GPR146: variants seen among roughly 807,000 people sequenced by gnomAD.
GPR146 encodes G-protein coupled receptor 146.
For missense variants in GPR146, 381 were observed against 213.9 expected, an observed-to-expected ratio of 1.78 and a Z score of -4.87; for synonymous variants, 203 against 104.3, an observed-to-expected ratio of 1.95 and a Z score of -5.77.
intron 1 of GPR146, among the ~76,000 whole-genome samples, chr7:1,054,112 G>A (rs565583360): frequency 1.8e-4 from 27 of 152,326 alleles, no homozygotes; most frequent in African/African-American, 3.4e-4. Context: ...CTTTAGGAAC[G>A]TCCCCCAGAG....
Position 1,055,309 on chromosome 7 carries a change from A to AC in GPR146, c.-24-2182dup, listed in dbSNP as rs1410494727. The AC allele has an allele frequency of 8.5e-6, 4 of 471,174 alleles. No individual in the cohort carries two copies. The East Asian group carries it at 2.8e-4, about 33-fold the overall frequency. 29.2% of individuals were successfully genotyped at this position (471,174 alleles called of 1,614,324 possible). The stretch of plus-strand genomic sequence containing the variant: ...CAAGTGCTTGCATCCTGGGGCCCTC[A>AC]CACGCACGCGCAGGCGGCCAGGCGC... On this transcript the variant is annotated intron_variant, in intron 1 of 1. Transcript: ENST00000444847.
At chr7:1,046,787 C>T (rs1782622515) in intron 1 of GPR146, among the ~76,000 whole-genome samples, 1 of 152,202 alleles carries the variant, frequency 6.6e-6, no homozygotes, top group South Asian at 2.1e-4. Flanking sequence ...AAGGACTTTC[C>T]CCATTTTAAT....
chr7:1,044,771 TG>T (rs1386803237), intron 1 of GPR146, 113 bp downstream of exon 1: 2 of 152,190 alleles, frequency 1.3e-5, no homozygotes, highest in African/African-American at 4.8e-5. Flanking sequence ...CTGCGCTTAC[TG>T]GGACCCGGGT....
intron 1 of GPR146, among the ~76,000 whole-genome samples, chr7:1,054,718 C>T (rs1007201607): frequency 6.6e-6 from 1 of 152,220 alleles, no homozygotes; most frequent in African/African-American, 2.4e-5. Flanking sequence ...GCGGTTCCAC[C>T]TGCAGGAGAG....
At chr7:1,057,370 G>C in intron 1 of GPR146, 122 bp from the exon 2 acceptor site, 1 of 597,022 alleles carries the variant, frequency 1.7e-6, no homozygotes, top group Non-Finnish European at 3.0e-6. Flanking sequence ...ACCAAAGGCA[G>C]CCTCGCTCTG....
intron 1 of GPR146, among the ~76,000 whole-genome samples, chr7:1,055,909 G>A (rs1783698391): frequency 6.6e-6 from 1 of 152,174 alleles, no homozygotes; most frequent in African/African-American, 2.4e-5. Flanking sequence ...AGTGGAGTCT[G>A]GGGGGTGACG....
In GPR146 at chr7:1,058,013, C is replaced by T. The variant is rs1239719186; in HGVS notation, c.498C>T (p.Tyr166=). Residue 166 remains tyrosine (Y), a synonymous_variant, in exon 2 of 2, where the codon TAC becomes TAT. Transcript: ENST00000444847. ...LLTSFSSLLF[Y]ICSHVSTRAL... ...CCAGCTTCTCCTCGCTGCTCTTCTA[C>T]ATCTGCAGCCATGTGTCCACCCGCG... The T allele has an allele frequency of 1.3e-6, 1 of 769,884 alleles. No homozygotes were observed. The highest frequency in any genetic ancestry group is 1.7e-5 in the Admixed American group (1 of 59,040). The allele number at this position is 769,884 out of a possible 1,614,324, so 47.7% of individuals were successfully genotyped here.
At chr7:1,046,546 A>G (rs1782596831) in intron 1 of GPR146, among the ~76,000 whole-genome samples, 1 of 152,204 alleles carries the variant, frequency 6.6e-6, no homozygotes, top group Non-Finnish European at 1.5e-5. Context: ...GGTAGCCAAG[A>G]GGACAGGGAA....
intron 1 of GPR146, among the ~76,000 whole-genome samples, chr7:1,050,105 T>G (rs1294566763): frequency 6.6e-6 from 1 of 152,218 alleles, no homozygotes; most frequent in East Asian, 1.9e-4. Flanking sequence ...TTCTGCAGTG[T>G]GAGACCTGCT....
At chr7:1,049,572 C>T (rs1284666808) in intron 1 of GPR146, among the ~76,000 whole-genome samples, 3 of 152,144 alleles carry the variant, frequency 2.0e-5, no homozygotes, top group South Asian at 2.1e-4. Flanking sequence ...AGACGGAGGG[C>T]GAGGGAGTTT....
In GPR146 at chr7:1,052,557, G is replaced by T. The variant is rs1237641682; in HGVS notation, c.-24-4935G>T. 6.6e-6 allele frequency among the ~76,000 whole-genome samples: 1 copy of T among 152,178 alleles called. No individual in the cohort carries two copies. The highest frequency in any genetic ancestry group is 1.5e-5 in the Non-Finnish European group (1 of 68,024). On this transcript the variant is annotated intron_variant, in intron 1 of 1. Coordinates refer to ENST00000444847, the MANE Select transcript of GPR146 (RefSeq NM_001303473.2). The surrounding 1 kb of genome is among the most constrained non-coding windows in gnomAD (Gnocchi z 4.2). Reference sequence around the variant, plus strand: ...GTGGGGGAGCCAGGAAGGAGCAGCTGCCAGGGACGGCCTGGCCTGGGAGGG... The same window carrying T: ...GTGGGGGAGCCAGGAAGGAGCAGCTTCCAGGGACGGCCTGGCCTGGGAGGG...
chr7:1,058,671 A>T lies in GPR146; in HGVS notation c.*154A>T. On this transcript the variant is annotated 3_prime_UTR_variant, in exon 2 of 2. Transcript: ENST00000444847. ...AAGTTTCCTTTTTCCCACAAATGCC[A>T]CTCTTGGGCCAAGGCTGTGGTCCCC... The T allele has an allele frequency of 1.6e-6, 1 of 608,576 alleles. No individual in the cohort carries two copies. The highest frequency in any genetic ancestry group is 2.8e-5 in the East Asian group (1 of 36,064). 37.7% of individuals were successfully genotyped at this position (608,576 alleles called of 1,614,324 possible). A position where few individuals can be genotyped will look rare whatever the true frequency, so the allele number is the denominator to read the frequency against.
chr7:1,056,585 C>T (rs2128203839), intron 1 of GPR146: 1 of 152,844 alleles, frequency 6.5e-6, no homozygotes, highest in Middle Eastern at 3.4e-3. Flanking sequence ...TCCGTGCTCT[C>T]CACCTCCCGA....
At chr7:1,046,415 A>C (rs982833612) in intron 1 of GPR146, among the ~76,000 whole-genome samples, 2 of 152,162 alleles carry the variant, frequency 1.3e-5, no homozygotes, top group South Asian at 2.1e-4. Flanking sequence ...CCTGCCTGCC[A>C]GCTCCTCTGC....
In GPR146 at chr7:1,048,485, G is replaced by A. The variant is rs59303597; in HGVS notation, c.-25+3827G>A. ...GGGTGCCTCTCAGGTTGAGAGGGGTGGTCACCATCCCCACACTCAGGCCCC... is the reference window on the plus strand; with the variant it reads ...GGGTGCCTCTCAGGTTGAGAGGGGTAGTCACCATCCCCACACTCAGGCCCC... On this transcript the variant is annotated intron_variant, in intron 1 of 1. Coordinates refer to ENST00000444847, the MANE Select transcript of GPR146 (RefSeq NM_001303473.2). 1.7e-3 allele frequency among the ~76,000 whole-genome samples: 256 copies of A among 152,162 alleles called. 2 individuals are homozygous for A. The highest frequency in any genetic ancestry group is 5.9e-3 in the African/African-American group (246 of 41,504).
Position 1,058,282 on chromosome 7 carries a change from A to C in GPR146, c.767A>C (p.His256Pro), listed in dbSNP as rs760539251. 1.3e-5 allele frequency: 10 copies of C among 773,348 alleles called. No homozygotes were observed. 47.9% of individuals were successfully genotyped at this position (773,348 alleles called of 1,614,324 possible). The change falls in exon 2 of 2, where the codon CAC becomes CCC. Residue 256 changes from histidine (H) to proline (P), a missense_variant. His to Pro is a moderately conservative substitution (Grantham distance 77). Coordinates refer to ENST00000444847, the MANE Select transcript of GPR146 (RefSeq NM_001303473.2). ...CCACACTATCTGATCCTGCTGGGGC[A>C]CACGGTCATCATCTCGCGAGGGAAG... ...WTPHYLILLGHTVIISRGKPV... is the reference protein window; with the variant it reads ...WTPHYLILLGPTVIISRGKPV...
At chr7:1,051,078 C>T (rs1403064155) in intron 1 of GPR146, among the ~76,000 whole-genome samples, 1 of 152,142 alleles carries the variant, frequency 6.6e-6, no homozygotes, top group Non-Finnish European at 1.5e-5. Context: ...ACCCCTGCGT[C>T]GCAGAGGGCA....
At position 1,052,152 on chromosome 7, in the gene GPR146, C is replaced by T. The variant is rs984944608; in HGVS notation, c.-24-5340C>T. Reference sequence around the variant, plus strand: ...CAAGATGCTGCCTGCAGCCCCTCCCCTCCTGGCCCGAGATGCTGTCATTGT... The same window carrying T: ...CAAGATGCTGCCTGCAGCCCCTCCCTTCCTGGCCCGAGATGCTGTCATTGT... On this transcript the variant is annotated intron_variant, in intron 1 of 1. Transcript: ENST00000444847. This position sits in a 1 kb window ranked among gnomAD's most constrained non-coding sequence, Gnocchi z 4.2. 5.9e-5 allele frequency among the ~76,000 whole-genome samples: 9 copies of T among 152,282 alleles called. No homozygotes were observed. Among genetic ancestry groups the T allele is most frequent in the African/African-American group, 9.6e-5 (4 of 41,482 alleles).
At chr7:1,056,942 G>A (rs1457304126) in intron 1 of GPR146, 3 of 155,196 alleles carry the variant, frequency 1.9e-5, no homozygotes, top group African/African-American at 4.8e-5. Flanking sequence ...CGTCAAGACT[G>A]GCTATGTCCC....
Sources: gnomAD v4.1 joint callset for allele counts (sites outside exome capture counted in the v4.1 genomes callset) on GRCh38, gnomAD v4.1.1 for gene constraint, Gnocchi (gnomAD v3.1) non-coding constraint, MANE v1.5 for transcripts, NCBI Gene and HGNC (gene_info 2026-07-23, HGNC 2026-07-21) for gene names.